The following COL5A1 variants were observed in gnomAD, a reference collection of about 807,000 sequenced individuals.
COL5A1 encodes the protein collagen alpha-1(V) chain.
A neutral mutation model predicts 263.7 loss-of-function variants in COL5A1; 16 were observed. That is an observed-to-expected ratio of 0.06 (90% CI 0.04 to 0.09). The LOEUF is 0.09. COL5A1 is among the 10% of genes least tolerant of loss of function. The pLI is 1.00. For synonymous variants in COL5A1, 1,012 were observed against 1,004.5 expected (o/e 1.01, Z -0.14); for missense variants, 2,036 against 2,540.5 (o/e 0.80, Z 4.27).
At chr9:134,825,653 C>T (rs7855787) in intron 62 of COL5A1, 139 bp from the exon 63 acceptor site, 5 of 632,594 alleles carry the variant, frequency 7.9e-6, no homozygotes, top group Non-Finnish European at 1.2e-5. Context: ...TAAAGTAAAC[C>T]CCAGAAAGGC....
At chr9:134,760,499 T>TGC (rs1259842610) in intron 18 of COL5A1, among the ~76,000 whole-genome samples, 1 of 63,154 alleles carries the variant, frequency 1.6e-5, no homozygotes, top group African/African-American at 6.7e-5. Context: ...ACACCACACA[T>TGC]GCACACACGC....
chr9:134,685,244 C>T (rs1832995517), intron 1 of COL5A1, among the ~76,000 whole-genome samples: 2 of 138,498 alleles, frequency 1.4e-5, no homozygotes, highest in Admixed American at 1.4e-4. Context: ...TCCATTCATC[C>T]ATCCATCCAC....
chr9:134,768,250 G>A (rs558981852), intron 24 of COL5A1, among the ~76,000 whole-genome samples, 160 bp from the exon 25 acceptor site: 3 of 152,340 alleles, frequency 2.0e-5, no homozygotes, highest in Non-Finnish European at 2.9e-5. Flanking sequence ...GGGCGCTACC[G>A]TGGCTGCACG....
At position 134,789,827 on chromosome 9, in the gene COL5A1, G is replaced by A. The variant is rs11103527; in HGVS notation, c.2700+619G>A. Among the ~76,000 whole-genome samples the A allele has an allele frequency of 0.016, 2,459 of 152,274 alleles. 73 individuals carry two copies. Among genetic ancestry groups the A allele is most frequent in the African/African-American group, 0.056 (2,320 of 41,538 alleles). ...AGGCCTCCCTGCAGGAGCGGTCCTG[G>A]ATGCTTGTTAGTGAAATCACAGTGC... On this transcript the variant is annotated intron_variant, in intron 32 of 65. Coordinates refer to ENST00000371817, the MANE Select transcript of COL5A1 (RefSeq NM_000093.5). The surrounding 1 kb of genome is among the most constrained non-coding windows in gnomAD (Gnocchi z 4.8).
intron 1 of COL5A1, among the ~76,000 whole-genome samples, chr9:134,675,120 A>G (rs1225244816): frequency 6.6e-6 from 1 of 152,138 alleles, no homozygotes; most frequent in East Asian, 1.9e-4. Flanking sequence ...TCCAGTTGGG[A>G]CATCTGCTTT....
chr9:134,750,020 T>C (rs545564848), intron 11 of COL5A1, among the ~76,000 whole-genome samples: 2 of 152,302 alleles, frequency 1.3e-5, no homozygotes, highest in South Asian at 4.1e-4. Flanking sequence ...TGCTCTGCTG[T>C]GTTGCGTGTC....
intron 4 of COL5A1, among the ~76,000 whole-genome samples, chr9:134,722,900 T>C (rs887424432): frequency 3.3e-5 from 5 of 152,056 alleles, no homozygotes; most frequent in Admixed American, 3.3e-4. Flanking sequence ...GCATCCCGTT[T>C]GAGGGTTGGT....
At chr9:134,695,603 A>AC (rs1265363381) in intron 2 of COL5A1, among the ~76,000 whole-genome samples, 1 of 151,944 alleles carries the variant, frequency 6.6e-6, no homozygotes, top group Non-Finnish European at 1.5e-5. Flanking sequence ...ACTCCCCTGT[A>AC]CCCCCATAGA....
In COL5A1 at chr9:134,759,394, C is replaced by T. The variant is rs571606485; in HGVS notation, c.1935+1098C>T. On this transcript the variant is annotated intron_variant, in intron 18 of 65. Transcript: ENST00000371817. ...CACACACACCACACATGCACACATA[C>T]GCATACACACCCACACACACCCACA... Among the ~76,000 whole-genome samples the T allele has an allele frequency of 2.0e-4, 28 of 138,232 alleles. No homozygotes were observed. In the Middle Eastern group the frequency reaches 0.017, roughly 83 times the overall value. 90.7% of individuals were successfully genotyped at this position (138,232 alleles called of 152,430 possible).
intron 19 of COL5A1, 128 bp from the exon 20 acceptor site, chr9:134,763,564 AC>A (rs1836547363): frequency 1.1e-6 from 1 of 921,086 alleles, no homozygotes; most frequent in African/African-American, 1.6e-5. Context: ...TCCGGCTGGT[AC>A]CAGAGCTGGT....
At chr9:134,774,667 A>C (rs754636403) in intron 26 of COL5A1, among the ~76,000 whole-genome samples, 192 bp from the exon 27 acceptor site, 2 of 152,086 alleles carry the variant, frequency 1.3e-5, no homozygotes, top group Non-Finnish European at 2.9e-5. Context: ...AGACACAGCC[A>C]CACCTCCACT....
At position 134,818,652 on chromosome 9, in the gene COL5A1, G is replaced by T; in HGVS notation, c.4231-4G>T. 3.1e-6 allele frequency: 5 copies of T among 1,606,972 alleles called. No homozygotes were observed. Among genetic ancestry groups the T allele is most frequent in the Non-Finnish European group, 4.2e-6 (5 of 1,177,216 alleles). ...ACCTCATTCTGCCCTCCGCCGTCCT[G>T]CAGGGAGAAGCCGGCTTGGAAGGCC... On this transcript the variant is annotated splice_region_variant and splice_polypyrimidine_tract_variant and intron_variant, in intron 54 of 65. Transcript: ENST00000371817. This position sits in a 1 kb window ranked among gnomAD's most constrained non-coding sequence, Gnocchi z 6.0.
rs1241571343 is a variant in COL5A1 at position 134,716,472 on chromosome 9, G to A, written c.655-10794G>A. 6.6e-6 allele frequency among the ~76,000 whole-genome samples: 1 copy of A among 152,194 alleles called. No individual in the cohort carries two copies. The highest frequency in any genetic ancestry group is 2.4e-5 in the African/African-American group (1 of 41,440). ...GCTCCGAAAGTCAAGATGTGGAGAA[G>A]GAGCAGCTCAAGCGTGCACTGCCCA... On this transcript the variant is annotated intron_variant, in intron 4 of 65. Transcript: ENST00000371817. This position sits in a 1 kb window ranked among gnomAD's most constrained non-coding sequence, Gnocchi z 4.5.
chr9:134,815,919 G>T lies in COL5A1; in HGVS notation c.4069-16G>T. ...CCATCCGGGGTTCAGCAAGGAGCTC[G>T]CTTTTGCCTCCATAGGGTCAAGATG... On this transcript the variant is annotated splice_polypyrimidine_tract_variant and intron_variant, in intron 51 of 65. Transcript: ENST00000371817. The T allele has an allele frequency of 6.2e-7, 1 of 1,614,118 alleles. No individual in the cohort carries two copies. The highest frequency in any genetic ancestry group is 8.5e-7 in the Non-Finnish European group (1 of 1,179,992).
chr9:134,823,840 T>A (rs1003686042), intron 61 of COL5A1, among the ~76,000 whole-genome samples: 4 of 150,472 alleles, frequency 2.7e-5, no homozygotes, highest in Non-Finnish European at 5.9e-5. Context: ...GTAATGTGTG[T>A]GTACATGGTT....
rs751649145 is a variant in COL5A1, at chr9:134,690,977, A to G, written c.175A>G (p.Thr59Ala). Residue 59 changes from threonine (T) to alanine (A), a missense_variant, in exon 2 of 66, where the codon ACA becomes GCA. Thr to Ala is a moderately conservative substitution (Grantham distance 58, BLOSUM62 0). Transcript: ENST00000371817. ...CTTGCCTGATGGAATAACAAAGACA[A>G]CAGGCTTTTGCGCCACGCGGCGATC... ...HNLPDGITKT[T>A]GFCATRRSSK... 16 of 1,613,882 alleles carry G rather than the reference A, an allele frequency of 9.9e-6. No individual in the cohort carries two copies. The highest frequency in any genetic ancestry group is 1.4e-5 in the Non-Finnish European group (16 of 1,180,050).
rs1838628602 is a variant in COL5A1 at position 134,813,721 on chromosome 9, G to A, written c.3853-262G>A. Among the ~76,000 whole-genome samples, 3 of 152,204 alleles carry A rather than the reference G, an allele frequency of 2.0e-5. No individual in the cohort carries two copies. In the South Asian group the frequency reaches 6.2e-4, roughly 31 times the overall value. ...TCATAGTTGCCCTCCACAACCCTTG[G>A]AGCAGCGCTCCGGGAAAGCCTTCAC... On this transcript the variant is annotated intron_variant, in intron 48 of 65. Coordinates refer to ENST00000371817, the MANE Select transcript of COL5A1 (RefSeq NM_000093.5).
Position 134,686,132 on chromosome 9 carries a change from A to T in COL5A1, c.110-4780A>T, listed in dbSNP as rs961366462. ...GTGCCAGTGCTGCAGTCTTGCTTGT[A>T]TTTCTTATCAGGGTCTTTGTGCTGC... is the stretch of plus-strand genomic sequence containing the variant. On this transcript the variant is annotated intron_variant, in intron 1 of 65. Transcript: ENST00000371817. This position sits in a 1 kb window ranked among gnomAD's most constrained non-coding sequence, Gnocchi z 4.6. 6.6e-6 allele frequency among the ~76,000 whole-genome samples: 1 copy of T among 152,084 alleles called. No individual in the cohort carries two copies. Among genetic ancestry groups the T allele is most frequent in the Non-Finnish European group, 1.5e-5 (1 of 68,020 alleles).
At chr9:134,708,824 CGAGG>C (rs1316081272) in intron 4 of COL5A1, 2 of 456,724 alleles carry the variant, frequency 4.4e-6, no homozygotes, top group Non-Finnish European at 8.8e-6. Flanking sequence ...ATTCCAAGAT[CGAGG>C]TGTGGGCGGG....
Sources: gnomAD v4.1 joint callset for allele counts (sites outside exome capture counted in the v4.1 genomes callset) on GRCh38, gnomAD v4.1.1 for gene constraint, Gnocchi (gnomAD v3.1) non-coding constraint, MANE v1.5 for transcripts, NCBI Gene and HGNC (gene_info 2026-07-23, HGNC 2026-07-21) for gene names.